Variants in FBXO39 observed in about 807,000 individuals in gnomAD.
FBXO39 encodes F-box protein 39.
A neutral mutation model predicts 36.6 loss-of-function variants in FBXO39; 22 were observed. That is an observed-to-expected ratio of 0.60 (90% CI 0.43 to 0.86). FBXO39 has a LOEUF of 0.86. Ranked by LOEUF, FBXO39 falls within the 40% of genes least tolerant of loss-of-function variation. The pLI is 0.00. For missense variants in FBXO39, 536 were observed against 543.9 expected, an observed-to-expected ratio of 0.99 and a Z score of 0.14; for synonymous variants, 206 against 205.8, an observed-to-expected ratio of 1.00 and a Z score of -0.01.
rs536953500 is a variant in FBXO39 at position 6,780,281 on chromosome 17, G to A, written c.413G>A (p.Arg138His). 5.0e-5 allele frequency: 80 copies of A among 1,614,098 alleles called. No individual in the cohort carries two copies. The Middle Eastern group carries it at 8.2e-4, about 17-fold the overall frequency. Residue 138 changes from arginine (R) to histidine (H), a missense_variant, in exon 2 of 4, where the codon CGC becomes CAC. Arg to His is a conservative substitution (Grantham distance 29). Transcript: ENST00000321535. Reference sequence around the variant, plus strand: ...TCCATCCAATACCTGGAGCTGGACCGCCTGGTATGGAGGAACAGCATCAGG... The same window carrying A: ...TCCATCCAATACCTGGAGCTGGACCACCTGGTATGGAGGAACAGCATCAGG... ...SLSIQYLELDRLVWRNSIRSS... is the reference protein window; with the variant it reads ...SLSIQYLELDHLVWRNSIRSS...
Position 6,786,917 on chromosome 17 carries a change from G to C in FBXO39, c.1161G>C (p.Lys387Asn). ...LDVSFVERIL[K>N]SQKERQCALR... is the part of the protein sequence containing the mutation. ...TTAGTTTTGTGGAGCGGATCCTGAA[G>C]AGTCAGAAAGAACGGCAGTGTGCCC... Residue 387 changes from lysine (K) to asparagine (N), a missense_variant, in exon 3 of 4, where the codon AAG becomes AAC. Lys to Asn is a moderately conservative substitution (Grantham distance 94, BLOSUM62 0). Coordinates refer to ENST00000321535, the MANE Select transcript of FBXO39 (RefSeq NM_153230.3). The C allele has an allele frequency of 6.2e-7, 1 of 1,614,058 alleles. No individual in the cohort carries two copies. The highest frequency in any genetic ancestry group is 8.5e-7 in the Non-Finnish European group (1 of 1,179,956).
At chr17:6,787,184 T>C (rs933688019) in intron 3 of FBXO39, 116 bp from the exon 4 acceptor site, 15 of 1,472,984 alleles carry the variant, frequency 1.0e-5, no homozygotes, top group Non-Finnish European at 1.3e-5. Context: ...TATGTGTAGA[T>C]CATTTAAGTT....
chr17:6,786,771 CTCT>C lies in FBXO39; in HGVS notation c.1024-6_1024-4del, dbSNP rs761042184. The C allele has an allele frequency of 1.3e-6, 2 of 1,592,288 alleles. No individual in the cohort carries two copies. Among genetic ancestry groups the C allele is most frequent in the South Asian group, 2.3e-5 (2 of 86,486 alleles). The stretch of plus-strand genomic sequence containing the variant: ...CCCACACACATCTTCCCTTTTGGTG[CTCT>C]TCCAGAAATTAACTTGTGAATTCAA... On this transcript the variant is annotated splice_region_variant and splice_polypyrimidine_tract_variant and intron_variant, in intron 2 of 3. Transcript: ENST00000321535.
chr17:6,780,601 T>A lies in FBXO39; in HGVS notation c.733T>A (p.Cys245Ser). The A allele has an allele frequency of 2.5e-6, 4 of 1,614,080 alleles. No homozygotes were observed. The highest frequency in any genetic ancestry group is 3.4e-6 in the Non-Finnish European group (4 of 1,180,028). The change falls in exon 2 of 4, where the codon TGT (cysteine) becomes AGT (serine). Residue 245 changes from cysteine to serine, a missense_variant. Coordinates refer to ENST00000321535, the MANE Select transcript of FBXO39 (RefSeq NM_153230.3). ...CTCCGACGAGCTGCTTGAGAACTTG[T>A]GTGAGAATGCCAGCACCCTCCGGAC... ...CISDELLENL[C>S]ENASTLRTIN...
intron 1 of FBXO39, among the ~76,000 whole-genome samples, chr17:6,776,730 A>G (rs1012655616): frequency 1.3e-5 from 2 of 152,120 alleles, no homozygotes; most frequent in African/African-American, 4.8e-5. Context: ...CGTGGCAGGC[A>G]CTCACTGTTC....
At chr17:6,783,179 T>C (rs1161056980) in intron 2 of FBXO39, among the ~76,000 whole-genome samples, 2 of 152,074 alleles carry the variant, frequency 1.3e-5, no homozygotes, top group Non-Finnish European at 2.9e-5. Context: ...CAGTTGGTCA[T>C]GAAGAGATTA....
chr17:6,786,638 C>T, intron 2 of FBXO39, 142 bp from the exon 3 acceptor site: 7 of 655,330 alleles, frequency 1.1e-5, no homozygotes, highest in Non-Finnish European at 1.8e-5. Flanking sequence ...CTATGTACCA[C>T]AAAAATTAAA....
chr17:6,786,401 A>T (rs1952349199), intron 2 of FBXO39, among the ~76,000 whole-genome samples: 1 of 152,182 alleles, frequency 6.6e-6, no homozygotes, highest in South Asian at 2.1e-4. Flanking sequence ...GGTACAAAAA[A>T]AGTTAGAAAG....
In FBXO39 at chr17:6,780,195, G is replaced by T; in HGVS notation, c.327G>T (p.Gln109His). 1 of 1,614,150 alleles carries T rather than the reference G, an allele frequency of 6.2e-7. No individual in the cohort carries two copies. Among genetic ancestry groups the T allele is most frequent in the Non-Finnish European group, 8.5e-7 (1 of 1,180,022 alleles). ...ATGCTGTCTTGACCAAGAAGTTCCA[G>T]GTCACCATGCGGGGCCTCCTGTCTT... ...PYNAVLTKKFQVTMRGLLSCL... is the reference protein window; with the variant it reads ...PYNAVLTKKFHVTMRGLLSCL... The change falls in exon 2 of 4, where the codon CAG (glutamine) becomes CAT (histidine). Residue 109 changes from glutamine (Q) to histidine (H), a missense_variant. Coordinates refer to ENST00000321535, the MANE Select transcript of FBXO39 (RefSeq NM_153230.3).
In FBXO39 at chr17:6,780,870, C is replaced by T. The variant is rs773587244; in HGVS notation, c.1002C>T (p.Pro334=). 1.2e-5 allele frequency: 19 copies of T among 1,612,020 alleles called. No individual in the cohort carries two copies. The highest frequency in any genetic ancestry group is 1.4e-5 in the Non-Finnish European group (17 of 1,179,792). The change falls in exon 2 of 4, where the codon CCC becomes CCT. Residue 334 remains proline, a synonymous_variant. Transcript: ENST00000321535. ...GACCCACTCTGATAGATCTCCTGCC[C>T]ACCTTCCGGCACACTCTGCAGGTAG... ...SMRPTLIDLL[P]TFRHTLQKLT...
intron 2 of FBXO39, 34 bp from the exon 3 acceptor site, chr17:6,786,746 C>A: frequency 6.4e-7 from 1 of 1,563,352 alleles, no homozygotes. Flanking sequence ...AGCATCTCTG[C>A]CCACACACAT....
chr17:6,784,929 ATGTGTGTGTGTG>A (rs3071470), intron 2 of FBXO39, among the ~76,000 whole-genome samples: 1 of 136,212 alleles, frequency 7.3e-6, no homozygotes, highest in Non-Finnish European at 1.6e-5. Flanking sequence ...ATATATATAT[ATGTGTGTGTGTG>A]TGTGTGTGTG....
chr17:6,780,242 G>A lies in FBXO39; in HGVS notation c.374G>A (p.Arg125His), dbSNP rs200344565. 1,946 of 1,614,044 alleles carry A rather than the reference G, an allele frequency of 1.2e-3. 36 individuals carry two copies. The South Asian group carries it at 0.019, about 16-fold the overall frequency. Residue 125 changes from arginine to histidine, a missense_variant, in exon 2 of 4, where the codon CGT becomes CAT. Transcript: ENST00000321535. The part of the protein sequence containing the change: ...LLSCLSKSNN[R>H]LKSLSIQYLE... ...TCTTGTCTGAGTAAGAGCAACAACC[G>A]TCTGAAATCTCTTTCCATCCAATAC...
chr17:6,780,120 GTTTGGTCGTTA>G lies in FBXO39; in HGVS notation c.254_264del (p.Phe85SerfsTer33). 1 of 1,614,198 alleles carries G rather than the reference GTTTGGTCGTTA, an allele frequency of 6.2e-7. No individual in the cohort carries two copies. Among genetic ancestry groups the G allele is most frequent in the Non-Finnish European group, 8.5e-7 (1 of 1,180,040 alleles). ...AGTCAGCTGTTTGGTATGTTAAGAA[GTTTGGTCGTTA>G]TCTGGAGCACCTGGAGGTCAAATTC... On this transcript the variant is annotated frameshift_variant, in exon 2 of 4. Transcript: ENST00000321535. LOFTEE classifies it high-confidence loss of function.
In FBXO39 at chr17:6,787,557, T is replaced by C; in HGVS notation, c.*129T>C. On this transcript the variant is annotated 3_prime_UTR_variant, in exon 4 of 4. Coordinates refer to ENST00000321535, the MANE Select transcript of FBXO39 (RefSeq NM_153230.3). ...CCCTCCACTTTTTTTTTTTGTCAGC[T>C]CCATGACAACATGACCAGCTCAGCA... 1 of 1,075,922 alleles carries C rather than the reference T, an allele frequency of 9.3e-7. No homozygotes were observed. Among genetic ancestry groups the C allele is most frequent in the Non-Finnish European group, 1.3e-6 (1 of 753,580 alleles). The allele number at this position is 1,075,922 out of a possible 1,614,324, so 66.6% of individuals were successfully genotyped here. A position where few individuals can be genotyped will look rare whatever the true frequency, so the allele number is the denominator to read the frequency against.
In FBXO39 at chr17:6,787,452, G is replaced by C; in HGVS notation, c.*24G>C. The C allele has an allele frequency of 6.2e-7, 1 of 1,612,508 alleles. No homozygotes were observed. Among genetic ancestry groups the C allele is most frequent in the Non-Finnish European group, 8.5e-7 (1 of 1,179,026 alleles). Reference sequence around the variant, plus strand: ...AATGAGCACTCTACAGATGAAGAAAGCTGGGAGCACTTTGAACTTGAAAAT... The same window carrying C: ...AATGAGCACTCTACAGATGAAGAAACCTGGGAGCACTTTGAACTTGAAAAT... On this transcript the variant is annotated 3_prime_UTR_variant, in exon 4 of 4. Transcript: ENST00000321535.
intron 1 of FBXO39, among the ~76,000 whole-genome samples, chr17:6,779,472 G>A (rs531849591): frequency 1.4e-4 from 21 of 152,230 alleles, no homozygotes; most frequent in African/African-American, 2.4e-4. Flanking sequence ...CTCAGACGTC[G>A]CTTCCTCTGA....
At chr17:6,785,352 A>T (rs1404103528) in intron 2 of FBXO39, among the ~76,000 whole-genome samples, 1 of 152,198 alleles carries the variant, frequency 6.6e-6, no homozygotes, top group African/African-American at 2.4e-5. Context: ...ATCAAAATGG[A>T]CTAAAGACTT....
intron 2 of FBXO39, among the ~76,000 whole-genome samples, chr17:6,784,917 TTATA>T (rs71157214): frequency 7.7e-6 from 1 of 130,108 alleles, no homozygotes; most frequent in East Asian, 2.2e-4. Context: ...AATCTTAAAT[TTATA>T]TATATATATG....
Sources: gnomAD v4.1 joint callset for allele counts (sites outside exome capture counted in the v4.1 genomes callset) on GRCh38, gnomAD v4.1.1 for gene constraint, MANE v1.5 for transcripts, NCBI Gene and HGNC (gene_info 2026-07-23, HGNC 2026-07-21) for gene names.